Variants in LPCAT1 observed in about 807,000 individuals in gnomAD.
LPCAT1 encodes lysophosphatidylcholine acyltransferase 1.
LPCAT1 carries 23 observed loss-of-function variants against 60.9 expected under a neutral mutation model. That is an observed-to-expected ratio of 0.38 (90% CI 0.27 to 0.53). The LOEUF (loss-of-function observed/expected upper bound fraction) is 0.53. LPCAT1 is among the 20% of genes least tolerant of loss of function. LPCAT1 has a pLI of 0.82. For missense variants in LPCAT1, 622 were observed against 723.6 expected (o/e 0.86, Z 1.61); for synonymous variants, 340 against 301.1 (o/e 1.13, Z -1.34).
chr5:1,472,147 G>T (rs1044084801), intron 11 of LPCAT1, among the ~76,000 whole-genome samples: 1 of 151,252 alleles, frequency 6.6e-6, no homozygotes, highest in African/African-American at 2.4e-5. Flanking sequence ...GAGAGCAGGT[G>T]AGGAGCACCC....
At chr5:1,467,042 T>C in intron 12 of LPCAT1, 152 bp from the exon 13 acceptor site, 1 of 719,930 alleles carries the variant, frequency 1.4e-6, no homozygotes, top group Non-Finnish European at 2.0e-6. Context: ...CGAACTTCCA[T>C]GTGGAGCCAT....
At position 1,483,324 on chromosome 5, in the gene LPCAT1, T is replaced by G; in HGVS notation, c.726+104A>C. 8.2e-7 allele frequency: 1 copy of G among 1,218,006 alleles called. No homozygotes were observed. The highest frequency in any genetic ancestry group is 1.2e-6 in the Non-Finnish European group (1 of 822,768). The allele number at this position is 1,218,006 out of a possible 1,614,324, so 75.4% of individuals were successfully genotyped here. ...GGCCAAGTGTGGGCTGTGGCGCAGA[T>G]AAAGGGTGTGGAGAGACAGAGACAC... is the stretch of plus-strand genomic sequence containing the variant. On this transcript the variant is annotated intron_variant, in intron 6 of 13. Transcript: ENST00000283415. The surrounding 1 kb of genome is among the most constrained non-coding windows in gnomAD (Gnocchi z 9.2).
rs972691106 is a variant in LPCAT1 at position 1,480,821 on chromosome 5, C to T, written c.761+121G>A. On this transcript the variant is annotated intron_variant, in intron 7 of 13. Coordinates refer to ENST00000283415, the MANE Select transcript of LPCAT1 (RefSeq NM_024830.5). This position sits in a 1 kb window ranked among gnomAD's most constrained non-coding sequence, Gnocchi z 6.4. ...AGTTTTCACAATGGGCTGAACCTAA[C>T]GGCTGTCCCACACCTGCTTTCACAA... The T allele has an allele frequency of 6.7e-6, 8 of 1,197,798 alleles. No homozygotes were observed. Among genetic ancestry groups the T allele is most frequent in the South Asian group, 2.4e-5 (2 of 82,616 alleles). 74.2% of individuals were successfully genotyped at this position (1,197,798 alleles called of 1,614,324 possible).
At chr5:1,464,653 AC>A (rs1404383119) in intron 13 of LPCAT1, among the ~76,000 whole-genome samples, 3 of 150,518 alleles carry the variant, frequency 2.0e-5, no homozygotes, top group Non-Finnish European at 4.4e-5. Flanking sequence ...GCACACACAC[AC>A]ACACAAAAGC....
intron 3 of LPCAT1, among the ~76,000 whole-genome samples, chr5:1,490,647 C>T (rs150646076): frequency 2.0e-5 from 3 of 152,332 alleles, no homozygotes; most frequent in African/African-American, 7.2e-5. Flanking sequence ...CCAGTTTAAC[C>T]ATGGCACCCC....
In LPCAT1 at chr5:1,483,974, C is replaced by T. The variant is rs373375195; in HGVS notation, c.668-488G>A. Among the ~76,000 whole-genome samples the T allele has an allele frequency of 1.5e-4, 23 of 152,384 alleles. No individual in the cohort carries two copies. The highest frequency in any genetic ancestry group is 5.5e-4 in the African/African-American group (23 of 41,594). On this transcript the variant is annotated intron_variant, in intron 5 of 13. Transcript: ENST00000283415. The surrounding 1 kb of genome is among the most constrained non-coding windows in gnomAD (Gnocchi z 9.2). ...AAGGCGTTGGTGGGAAGTGGGGGTC[C>T]TCATCACCGGCCAATGCTCACCCAC...
chr5:1,490,694 G>A (rs1735544070), intron 3 of LPCAT1, among the ~76,000 whole-genome samples: 1 of 152,226 alleles, frequency 6.6e-6, no homozygotes, highest in African/African-American at 2.4e-5. Flanking sequence ...GGGTACAAGG[G>A]ACACCCCGCC....
intron 1 of LPCAT1, among the ~76,000 whole-genome samples, chr5:1,520,873 A>G (rs1353314100): frequency 1.3e-5 from 2 of 150,988 alleles, no homozygotes; most frequent in Non-Finnish European, 2.9e-5. Flanking sequence ...AAAAAAAAAA[A>G]AAAAAAGAAA....
intron 5 of LPCAT1, among the ~76,000 whole-genome samples, chr5:1,488,035 G>T (rs56321848): frequency 0.11 from 17,146 of 152,154 alleles, 1,302 homozygotes; most frequent in Middle Eastern, 0.18. Flanking sequence ...TCCCAGGCGG[G>T]TGTGGGGCGT....
At chr5:1,489,687 CG>C (rs1560972823) in intron 4 of LPCAT1, 58 bp downstream of exon 4, 1 of 1,279,330 alleles carries the variant, frequency 7.8e-7, no homozygotes, top group African/African-American at 1.5e-5. Flanking sequence ...TCCCCACTCG[CG>C]AAGTTCGCAT....
At position 1,480,230 on chromosome 5, in the gene LPCAT1, C is replaced by T. The variant is rs770666262; in HGVS notation, c.762-555G>A. 10 of 683,772 alleles carry T rather than the reference C, an allele frequency of 1.5e-5. No individual in the cohort carries two copies. The highest frequency in any genetic ancestry group is 1.5e-3 in the Middle Eastern group (2 of 1,346). 42.4% of individuals were successfully genotyped at this position (683,772 alleles called of 1,614,324 possible). A position where few individuals can be genotyped will look rare whatever the true frequency, so the allele number is the denominator to read the frequency against. On this transcript the variant is annotated intron_variant, in intron 7 of 13. Coordinates refer to ENST00000283415, the MANE Select transcript of LPCAT1 (RefSeq NM_024830.5). The surrounding 1 kb of genome is among the most constrained non-coding windows in gnomAD (Gnocchi z 6.4). ...CCGGGACCCCAGAACCCCTATACCC[C>T]CCAGAGCCCCCTCCCAGCTCTGCTC...
Position 1,480,481 on chromosome 5 carries a change from G to A in LPCAT1, c.761+461C>T, listed in dbSNP as rs1735094603. On this transcript the variant is annotated intron_variant, in intron 7 of 13. Coordinates refer to ENST00000283415, the MANE Select transcript of LPCAT1 (RefSeq NM_024830.5). This position sits in a 1 kb window ranked among gnomAD's most constrained non-coding sequence, Gnocchi z 6.4. ...TCCTCTGGGGCTCGTTCCCGTTTCCGTGGGGTTGTTCATTGTTGCATAACT... is the reference window on the plus strand; with the variant it reads ...TCCTCTGGGGCTCGTTCCCGTTTCCATGGGGTTGTTCATTGTTGCATAACT... The A allele has an allele frequency of 3.8e-6, 2 of 532,620 alleles. No individual in the cohort carries two copies. Among genetic ancestry groups the A allele is most frequent in the Admixed American group, 6.4e-5 (1 of 15,708 alleles). The allele number at this position is 532,620 out of a possible 1,614,324, so 33.0% of individuals were successfully genotyped here.
intron 4 of LPCAT1, among the ~76,000 whole-genome samples, chr5:1,489,071 G>T (rs573330825): frequency 9.2e-5 from 14 of 152,230 alleles, no homozygotes; most frequent in Admixed American, 7.9e-4. Flanking sequence ...CAGACCTCAG[G>T]GGGGCCGGCG....
At chr5:1,472,958 C>G (rs1020447676) in intron 11 of LPCAT1, among the ~76,000 whole-genome samples, 20 of 152,096 alleles carry the variant, frequency 1.3e-4, no homozygotes, top group African/African-American at 4.8e-4. Flanking sequence ...TGCGGGGCAG[C>G]CTCCTTCCCC....
intron 3 of LPCAT1, among the ~76,000 whole-genome samples, chr5:1,491,925 AG>A (rs2126557657): frequency 6.6e-6 from 1 of 152,394 alleles, no homozygotes; most frequent in African/African-American, 2.4e-5. Flanking sequence ...GAGCTGTCAA[AG>A]GGTCCACGAA....
rs1004741070 is a variant in LPCAT1 at position 1,495,863 on chromosome 5, A to G, written c.279-949T>C. 6.6e-6 allele frequency among the ~76,000 whole-genome samples: 1 copy of G among 152,210 alleles called. No homozygotes were observed. Among genetic ancestry groups the G allele is most frequent in the Non-Finnish European group, 1.5e-5 (1 of 68,028 alleles). On this transcript the variant is annotated intron_variant, in intron 2 of 13. Transcript: ENST00000283415. The surrounding 1 kb of genome is among the most constrained non-coding windows in gnomAD (Gnocchi z 4.7). ...ACTTCCAGGACAGGGGTCCCCATGG[A>G]TCTGAGCCAAGGCGGTTGCTAGGAG...
intron 1 of LPCAT1, among the ~76,000 whole-genome samples, chr5:1,520,841 C>T (rs1405183821): frequency 8.6e-6 from 1 of 116,926 alleles, no homozygotes; most frequent in Non-Finnish European, 1.6e-5. Context: ...CCAGCCTGGG[C>T]GACAGAGAGA....
Position 1,523,324 on chromosome 5 carries a change from C to A in LPCAT1, c.135+386G>T, listed in dbSNP as rs1056500261. Among the ~76,000 whole-genome samples the A allele has an allele frequency of 1.3e-5, 2 of 151,862 alleles. No individual in the cohort carries two copies. The highest frequency in any genetic ancestry group is 6.6e-5 in the Admixed American group (1 of 15,250). ...CCGGACCAGGGACGAGCGCGGGGAC[C>A]GGCGATGCGGGTCCAGCCTCCCGCG... is the stretch of plus-strand genomic sequence containing the variant. On this transcript the variant is annotated intron_variant, in intron 1 of 13. Transcript: ENST00000283415. The surrounding 1 kb of genome is among the most constrained non-coding windows in gnomAD (Gnocchi z 7.1).
chr5:1,481,141 G>A lies in LPCAT1; in HGVS notation c.727-165C>T, dbSNP rs1469140014. Among the ~76,000 whole-genome samples the A allele has an allele frequency of 1.3e-5, 2 of 152,106 alleles. No individual in the cohort carries two copies. Among genetic ancestry groups the A allele is most frequent in the Non-Finnish European group, 2.9e-5 (2 of 67,988 alleles). ...AGCTCCAGCTTCCCAGAGTCCCTGA[G>A]GATCCAGGACTCGGACCAGCCCCCC... is the stretch of plus-strand genomic sequence containing the variant. On this transcript the variant is annotated intron_variant, in intron 6 of 13. Transcript: ENST00000283415. The surrounding 1 kb of genome is among the most constrained non-coding windows in gnomAD (Gnocchi z 7.8).
Sources: gnomAD v4.1 joint callset for allele counts (sites outside exome capture counted in the v4.1 genomes callset) on GRCh38, gnomAD v4.1.1 for gene constraint, Gnocchi (gnomAD v3.1) non-coding constraint, MANE v1.5 for transcripts, NCBI Gene and HGNC (gene_info 2026-07-23, HGNC 2026-07-21) for gene names.